ENPP3: variants seen among roughly 807,000 people sequenced by gnomAD.
ENPP3 encodes the protein ectonucleotide pyrophosphatase/phosphodiesterase family member 3.
Under a neutral mutation model 117.8 loss-of-function variants are expected in ENPP3, and 104 were observed. That is an observed-to-expected ratio of 0.88 (90% CI 0.75 to 1.04). ENPP3 has a LOEUF of 1.04. Ranked by LOEUF, ENPP3 falls within the 50% of genes least tolerant of loss-of-function variation. The pLI is 0.00. For missense variants in ENPP3, 1,026 were observed against 1,051.9 expected (o/e 0.98, Z 0.34); for synonymous variants, 380 against 349.9 (o/e 1.09, Z -0.96).
Position 131,697,325 on chromosome 6 carries a change from G to A in ENPP3, c.1412+3701G>A, listed in dbSNP as rs150476117. Among the ~76,000 whole-genome samples, 67 of 151,112 alleles carry A rather than the reference G, an allele frequency of 4.4e-4. No individual in the cohort carries two copies. The East Asian group carries it at 0.012, about 28-fold the overall frequency. On this transcript the variant is annotated intron_variant, in intron 15 of 24. Coordinates refer to ENST00000357639, the MANE Select transcript of ENPP3 (RefSeq NM_005021.5). ...ATATAGGGATATTTGCTTTTGGAGA[G>A]GTCCTTCAAGATGCTACATGGACGA...
intron 15 of ENPP3, among the ~76,000 whole-genome samples, chr6:131,717,719 TATA>T (rs904376606): frequency 1.3e-5 from 2 of 152,114 alleles, no homozygotes; most frequent in African/African-American, 4.8e-5. Flanking sequence ...TAAACATAAT[TATA>T]ATAATAATCT....
intron 24 of ENPP3, among the ~76,000 whole-genome samples, chr6:131,740,763 A>G (rs529129393): frequency 2.8e-4 from 42 of 152,290 alleles, no homozygotes; most frequent in African/African-American, 9.6e-4. Flanking sequence ...TAATGATCAA[A>G]TCAGGATAAT....
intron 24 of ENPP3, among the ~76,000 whole-genome samples, chr6:131,742,175 C>T (rs1307627999): frequency 6.6e-6 from 1 of 152,082 alleles, no homozygotes. Flanking sequence ...AGTTTCTGAA[C>T]AGGAAACTAT....
At chr6:131,669,655 CAAAAAAAAAAAA>C (rs67597128) in intron 6 of ENPP3, among the ~76,000 whole-genome samples, 2 of 61,712 alleles carry the variant, frequency 3.2e-5, no homozygotes, top group Non-Finnish European at 5.7e-5. Flanking sequence ...GACTCCATCT[CAAAAAAAAAAAA>C]AAAAAAAAAA....
intron 20 of ENPP3, 142 bp downstream of exon 20, chr6:131,726,342 A>G (rs1284781749): frequency 1.5e-6 from 1 of 665,078 alleles, no homozygotes; most frequent in African/African-American, 1.8e-5. Flanking sequence ...ATGTGCAAGT[A>G]TTAGATAAAG....
Position 131,685,511 on chromosome 6 carries a change from C to G in ENPP3, c.1252+16C>G, listed in dbSNP as rs1440100207. On this transcript the variant is annotated intron_variant, in intron 13 of 24. Transcript: ENST00000357639. ...TTTTTTAGTTGTAAGTATGAAGACACCTATATGAAAAAAAGGGTAAACCTG... is the reference window on the plus strand; with the variant it reads ...TTTTTTAGTTGTAAGTATGAAGACAGCTATATGAAAAAAAGGGTAAACCTG... The G allele has an allele frequency of 2.5e-6, 4 of 1,604,620 alleles. No individual in the cohort carries two copies. Among genetic ancestry groups the G allele is most frequent in the South Asian group, 1.1e-5 (1 of 88,850 alleles).
intron 1 of ENPP3, among the ~76,000 whole-genome samples, chr6:131,638,235 A>G (rs1777968461): frequency 6.6e-6 from 1 of 152,044 alleles, no homozygotes; most frequent in African/African-American, 2.4e-5. Flanking sequence ...ACTTCCTGGT[A>G]CTTTCTCATT....
At chr6:131,697,342 C>A (rs562008583) in intron 15 of ENPP3, among the ~76,000 whole-genome samples, 1 of 143,556 alleles carries the variant, frequency 7.0e-6, no homozygotes, top group South Asian at 2.2e-4. Context: ...CAAGATGCTA[C>A]ATGGACGAGG....
intron 9 of ENPP3, 21 bp downstream of exon 9, chr6:131,675,210 A>G: frequency 7.7e-7 from 1 of 1,295,478 alleles, no homozygotes; most frequent in Non-Finnish European, 1.1e-6. Context: ...ACTTTCAGAT[A>G]TTCTCCCAGC....
intron 24 of ENPP3, among the ~76,000 whole-genome samples, chr6:131,741,569 G>A (rs1780528507): frequency 6.6e-6 from 1 of 152,164 alleles, no homozygotes; most frequent in Admixed American, 6.6e-5. Flanking sequence ...ATATTGAGAA[G>A]ACTACAAAGA....
At position 131,677,908 on chromosome 6, in the gene ENPP3, T is replaced by C. The variant is rs755382932; in HGVS notation, c.979T>C (p.Ser327Pro). 1 of 1,611,896 alleles carries C rather than the reference T, an allele frequency of 6.2e-7. No individual in the cohort carries two copies. The highest frequency in any genetic ancestry group is 8.5e-7 in the Non-Finnish European group (1 of 1,178,164). Residue 327 changes from serine to proline, a missense_variant, in exon 11 of 25, where the codon TCT becomes CCT. By Grantham distance (74) the Ser-to-Pro change is moderately conservative (BLOSUM62 -1). Coordinates refer to ENST00000357639, the MANE Select transcript of ENPP3 (RefSeq NM_005021.5). Reference sequence around the variant, plus strand: ...CATGTATTTTGAAGAACCTGATTCCTCTGGACATGCAGGTGGACCAGTCAG... The same window carrying C: ...CATGTATTTTGAAGAACCTGATTCCCCTGGACATGCAGGTGGACCAGTCAG... ...YTMYFEEPDS[S>P]GHAGGPVSAR...
Position 131,720,358 on chromosome 6 carries a change from G to A in ENPP3, c.1546G>A (p.Glu516Lys), listed in dbSNP as rs149604420. 2 of 1,587,016 alleles carry A rather than the reference G, an allele frequency of 1.3e-6. No homozygotes were observed. Among genetic ancestry groups the A allele is most frequent in the African/African-American group, 2.7e-5 (2 of 73,872 alleles). The change falls in exon 17 of 25, where the codon GAA (glutamate) becomes AAA (lysine). Residue 516 changes from glutamate to lysine, a missense_variant. Glu to Lys is a moderately conservative substitution (Grantham distance 56). Coordinates refer to ENST00000357639, the MANE Select transcript of ENPP3 (RefSeq NM_005021.5). ...KTEVEPFENI[E>K]VYNLMCDLLR... is the part of the protein sequence containing the mutation. Reference sequence around the variant, plus strand: ...TGAAGTTGAACCATTTGAAAATATTGAAGTCTATAACCTAATGTGTGGTAA... The same window carrying A: ...TGAAGTTGAACCATTTGAAAATATTAAAGTCTATAACCTAATGTGTGGTAA...
At chr6:131,721,005 C>G (rs1780007228) in intron 17 of ENPP3, among the ~76,000 whole-genome samples, 1 of 152,100 alleles carries the variant, frequency 6.6e-6, no homozygotes, top group Non-Finnish European at 1.5e-5. Flanking sequence ...GCAAGACAAA[C>G]TTACCTAAAA....
chr6:131,685,845 A>T, intron 13 of ENPP3, 31 bp from the exon 14 acceptor site: 1 of 873,662 alleles, frequency 1.1e-6, no homozygotes, highest in Non-Finnish European at 1.9e-6. Context: ...ATCAATTGTA[A>T]TGTCATTTAT....
intron 18 of ENPP3, among the ~76,000 whole-genome samples, chr6:131,723,763 C>T (rs1780084948): frequency 6.6e-6 from 1 of 151,590 alleles, no homozygotes; most frequent in Non-Finnish European, 1.5e-5. Context: ...CAGCAGTAAT[C>T]AGAATGCTTT....
At position 131,722,414 on chromosome 6, in the gene ENPP3, C is replaced by T. The variant is rs1445418698; in HGVS notation, c.1746+9C>T. 1 of 1,609,502 alleles carries T rather than the reference C, an allele frequency of 6.2e-7. No individual in the cohort carries two copies. The highest frequency in any genetic ancestry group is 1.7e-5 in the Admixed American group (1 of 59,560). ...GCCCTCACCTACAAAATGTAAGTAA[C>T]AACTTCATGCATCCATAAGAACGTA... On this transcript the variant is annotated intron_variant, in intron 18 of 24. Coordinates refer to ENST00000357639, the MANE Select transcript of ENPP3 (RefSeq NM_005021.5).
At position 131,684,811 on chromosome 6, in the gene ENPP3, A is replaced by G. The variant is rs531111591; in HGVS notation, c.1121-553A>G. Among the ~76,000 whole-genome samples the G allele has an allele frequency of 5.3e-5, 8 of 152,240 alleles. No individual in the cohort carries two copies. The South Asian group carries it at 1.5e-3, about 28-fold the overall frequency. On this transcript the variant is annotated intron_variant, in intron 12 of 24. Coordinates refer to ENST00000357639, the MANE Select transcript of ENPP3 (RefSeq NM_005021.5). ...CTTTATACTTTTTTTTTGAGACAGA[A>G]TTTTGTTCTGTCACTTAGGCAGGAG... is the stretch of plus-strand genomic sequence containing the variant.
intron 15 of ENPP3, chr6:131,708,978 T>A: frequency 6.3e-7 from 1 of 1,594,300 alleles, no homozygotes; most frequent in Non-Finnish European, 8.5e-7. Flanking sequence ...CAGGGAGAGA[T>A]GAATCAGGCA....
In ENPP3 at chr6:131,740,232, C is replaced by A; in HGVS notation, c.2309C>A (p.Ala770Asp). The A allele has an allele frequency of 6.3e-7, 1 of 1,584,704 alleles. No individual in the cohort carries two copies. The highest frequency in any genetic ancestry group is 1.2e-5 in the South Asian group (1 of 85,768). The change falls in exon 24 of 25, where the codon GCC (alanine) becomes GAC (aspartate). Residue 770 changes from alanine (A) to aspartate (D), a missense_variant. Coordinates refer to ENST00000357639, the MANE Select transcript of ENPP3 (RefSeq NM_005021.5). ...DAPDEITKHLANTDVPIPTHY... is the reference protein window; with the variant it reads ...DAPDEITKHLDNTDVPIPTHY... Reference sequence around the variant, plus strand: ...TCAATTATGTTTGTAAGACATTTAGCCAACACTGATGTTCCCATCCCAACA... The same window carrying A: ...TCAATTATGTTTGTAAGACATTTAGACAACACTGATGTTCCCATCCCAACA...
Sources: allele counts gnomAD v4.1 joint callset (sites outside exome capture counted in the v4.1 genomes callset), GRCh38; gene constraint gnomAD v4.1.1; transcripts MANE v1.5; gene names NCBI Gene and HGNC (gene_info 2026-07-23, HGNC 2026-07-21).